The following USP4 variants were observed in gnomAD, a reference collection of about 807,000 sequenced individuals.
USP4 encodes the protein ubiquitin specific peptidase 4, also known as ubiquitin carboxyl-terminal hydrolase 4.
A neutral mutation model predicts 118.2 loss-of-function variants in USP4; 72 were observed. That is an observed-to-expected ratio of 0.61 (90% CI 0.50 to 0.74). The LOEUF is 0.74. Among genes scored for constraint, USP4 ranks in the 30% least tolerant of loss-of-function variants. The pLI is 0.00. For missense variants in USP4, 1,037 were observed against 1,185.7 expected, an observed-to-expected ratio of 0.87 and a Z score of 1.84; for synonymous variants, 415 against 440.4, an observed-to-expected ratio of 0.94 and a Z score of 0.72.
At chr3:49,287,400 C>T (rs1041298441) in intron 15 of USP4, among the ~76,000 whole-genome samples, 4 of 151,954 alleles carry the variant, frequency 2.6e-5, no homozygotes, top group African/African-American at 9.7e-5. Flanking sequence ...GTGATCCGCC[C>T]GCCCCGGCTT....
At chr3:49,305,980 A>G (rs1007772883) in intron 8 of USP4, 92 bp from the exon 9 acceptor site, 9 of 1,305,012 alleles carry the variant, frequency 6.9e-6, no homozygotes, top group Non-Finnish European at 7.2e-6. Flanking sequence ...CTGAGGGACA[A>G]CGCCAACAAA....
At chr3:49,313,355 C>T (rs960409838) in intron 6 of USP4, among the ~76,000 whole-genome samples, 3 of 151,814 alleles carry the variant, frequency 2.0e-5, no homozygotes, top group South Asian at 2.1e-4. Flanking sequence ...GGTGGAACCC[C>T]GTCTCTACTA....
chr3:49,339,558 G>A (rs2047713166), intron 1 of USP4, among the ~76,000 whole-genome samples: 1 of 152,176 alleles, frequency 6.6e-6, no homozygotes, highest in Non-Finnish European at 1.5e-5. Flanking sequence ...TTGCTATCCT[G>A]GTTTTAACAG....
chr3:49,335,659 T>C, intron 1 of USP4, 63 bp from the exon 2 acceptor site: 2 of 1,590,986 alleles, frequency 1.3e-6, no homozygotes, highest in Non-Finnish European at 1.7e-6. Context: ...TGCAGCTGCT[T>C]CCTTAATCTT....
At chr3:49,310,513 G>T in intron 8 of USP4, 107 bp downstream of exon 8, 1 of 915,322 alleles carries the variant, frequency 1.1e-6, no homozygotes, top group South Asian at 1.4e-5. Flanking sequence ...GCACCAACAA[G>T]GGGTAGGCAG....
chr3:49,339,014 G>T (rs1012798498), intron 1 of USP4, among the ~76,000 whole-genome samples: 1 of 152,062 alleles, frequency 6.6e-6, no homozygotes, highest in Non-Finnish European at 1.5e-5. Flanking sequence ...GGGTGTGGTG[G>T]CGTGAGCCTG....
intron 6 of USP4, among the ~76,000 whole-genome samples, chr3:49,316,526 C>G (rs1167674759): frequency 6.6e-6 from 1 of 152,080 alleles, no homozygotes; most frequent in East Asian, 1.9e-4. Flanking sequence ...ACCATGTTGG[C>G]CAGGCTAGTC....
chr3:49,293,950 G>T (rs1242440192), intron 14 of USP4, among the ~76,000 whole-genome samples: 1 of 151,114 alleles, frequency 6.6e-6, no homozygotes, highest in Non-Finnish European at 1.5e-5. Flanking sequence ...ACCTGCCCTG[G>T]CCCATCCAGG....
At chr3:49,332,499 C>G (rs928183643) in intron 2 of USP4, among the ~76,000 whole-genome samples, 1 of 151,456 alleles carries the variant, frequency 6.6e-6, no homozygotes, top group African/African-American at 2.4e-5. Context: ...TCCCCTCTAG[C>G]AGCAAAGAGG....
Position 49,306,846 on chromosome 3 carries a change from G to A in USP4, c.955-958C>T, listed in dbSNP as rs773495616. 9.2e-5 allele frequency among the ~76,000 whole-genome samples: 14 copies of A among 152,004 alleles called. No individual in the cohort carries two copies. In the South Asian group the frequency reaches 1.5e-3, roughly 16 times the overall value. ...TTTGCCCAGGCTGGAGTGCAGTGGC[G>A]CAATCTCAGCTCACCGCAACCTCTA... is the stretch of plus-strand genomic sequence containing the variant. On this transcript the variant is annotated intron_variant, in intron 8 of 21. Transcript: ENST00000265560.
intron 19 of USP4, among the ~76,000 whole-genome samples, chr3:49,282,855 G>A (rs958712194): frequency 1.3e-5 from 2 of 151,442 alleles, no homozygotes; most frequent in Admixed American, 6.6e-5. Context: ...TTACAGGCGT[G>A]CACCACCACA....
At chr3:49,293,331 G>T (rs1366378399) in intron 14 of USP4, among the ~76,000 whole-genome samples, 1 of 151,938 alleles carries the variant, frequency 6.6e-6, no homozygotes, top group African/African-American at 2.4e-5. Flanking sequence ...TGGCCAACAC[G>T]GTGAAACCTC....
intron 15 of USP4, among the ~76,000 whole-genome samples, chr3:49,288,656 C>T (rs1377553546): frequency 6.6e-6 from 1 of 151,526 alleles, no homozygotes; most frequent in Non-Finnish European, 1.5e-5. Context: ...GCCTGGGCAA[C>T]AAGAGCAAAA....
At chr3:49,305,918 C>T in intron 8 of USP4, 30 bp from the exon 9 acceptor site, 3 of 1,603,130 alleles carry the variant, frequency 1.9e-6, no homozygotes, top group Non-Finnish European at 2.6e-6. Flanking sequence ...GGGCTTTACA[C>T]ACCTTCTAGA....
rs2046978456 is a variant in USP4 at position 49,277,750 on chromosome 3, G to T, written c.*543C>A. On this transcript the variant is annotated 3_prime_UTR_variant, in exon 22 of 22. Coordinates refer to ENST00000265560, the MANE Select transcript of USP4 (RefSeq NM_003363.4). ...ATCTTCCTTAGCGGGGAGAAAGCTG[G>T]AAATTACAAGATGACTCAACGGAGA... The T allele has an allele frequency of 5.9e-6, 1 of 168,104 alleles. No individual in the cohort carries two copies. The allele number at this position is 168,104 out of a possible 1,614,324, so 10.4% of individuals were successfully genotyped here. A position where few individuals can be genotyped will look rare whatever the true frequency, so the allele number is the denominator to read the frequency against.
At chr3:49,332,205 A>T (rs1161532747) in intron 2 of USP4, among the ~76,000 whole-genome samples, 3 of 152,094 alleles carry the variant, frequency 2.0e-5, no homozygotes, top group African/African-American at 7.2e-5. Context: ...TGAAACTGGG[A>T]GGTGGAGGTT....
At chr3:49,325,279 T>C (rs1575619398) in intron 4 of USP4, among the ~76,000 whole-genome samples, 1 of 152,014 alleles carries the variant, frequency 6.6e-6, no homozygotes. Context: ...AAAAGCAACA[T>C]AGAAAGCGAG....
At position 49,305,616 on chromosome 3, in the gene USP4, TA is replaced by T. The variant is rs564889992; in HGVS notation, c.1128+98del. 1,730 of 1,122,524 alleles carry T rather than the reference TA, an allele frequency of 1.5e-3. 10 individuals are homozygous for T. In the African/African-American group the frequency reaches 0.017, roughly 11 times the overall value. The allele number at this position is 1,122,524 out of a possible 1,614,324, so 69.5% of individuals were successfully genotyped here. ...ACTAGTAAGCATAATGTAAATACCA[TA>T]AAAAAAAATCCTAAAAAACCTGAAG... On this transcript the variant is annotated intron_variant, in intron 9 of 21. Coordinates refer to ENST00000265560, the MANE Select transcript of USP4 (RefSeq NM_003363.4).
chr3:49,283,006 CTCTT>C (rs1159801707), intron 19 of USP4, among the ~76,000 whole-genome samples: 32 of 135,302 alleles, frequency 2.4e-4, no homozygotes, highest in African/African-American at 7.9e-4. Flanking sequence ...CTGTGCCGGC[CTCTT>C]TTTTTTTTTT....
Sources: gnomAD v4.1 joint callset for allele counts (sites outside exome capture counted in the v4.1 genomes callset) on GRCh38, gnomAD v4.1.1 for gene constraint, MANE v1.5 for transcripts, NCBI Gene and HGNC (gene_info 2026-07-23, HGNC 2026-07-21) for gene names.